BIRC6: variants seen among roughly 807,000 people sequenced by gnomAD.
The protein encoded by BIRC6 is baculoviral IAP repeat containing 6.
BIRC6 carries 98 observed loss-of-function variants against 503.3 expected under a neutral mutation model. The observed-to-expected ratio is 0.19, with a 90% CI of 0.17 to 0.23. The LOEUF (loss-of-function observed/expected upper bound fraction) is 0.23, where lower values mean the gene tolerates loss of function less well. Among genes scored for constraint, BIRC6 ranks in the 10% least tolerant of loss-of-function variants. The probability of loss-of-function intolerance (pLI) is 1.00; values close to 1 mark genes in which losing one functional copy is unlikely to be tolerated. For synonymous variants in BIRC6, 2,240 were observed against 2,078.7 expected (o/e 1.08, Z -2.11); for missense variants, 5,360 against 5,806.0 (o/e 0.92, Z 2.50).
In BIRC6 at chr2:32,468,551, G is replaced by A. The variant is rs774673603; in HGVS notation, c.5895G>A (p.Glu1965=). The change falls in exon 29 of 74, where the codon GAG becomes GAA. Residue 1965 remains glutamate, a synonymous_variant. Transcript: ENST00000421745. ...YFLRKPDKAV[E]EDSRVFSAYQ... ...TACGAAAACCAGATAAGGCAGTTGA[G>A]GAAGACAGTAGGGTTTTTTCTGCTT... 2.5e-6 allele frequency: 4 copies of A among 1,614,012 alleles called. No individual in the cohort carries two copies. The South Asian group carries it at 3.3e-5, about 13-fold the overall frequency.
intron 73 of BIRC6, among the ~76,000 whole-genome samples, chr2:32,613,532 C>T (rs1054496711): frequency 1.3e-5 from 2 of 152,050 alleles, no homozygotes; most frequent in Admixed American, 6.6e-5. Context: ...AGTCACCTGC[C>T]ATCATGCCCA....
At chr2:32,399,101 T>C (rs1052909518) in intron 6 of BIRC6, among the ~76,000 whole-genome samples, 2 of 152,160 alleles carry the variant, frequency 1.3e-5, no homozygotes, top group East Asian at 1.9e-4. Context: ...ATTTATTTTT[T>C]TGGAGACACA....
chr2:32,411,791 G>T (rs1000995227), intron 9 of BIRC6, among the ~76,000 whole-genome samples: 3 of 151,998 alleles, frequency 2.0e-5, no homozygotes, highest in Admixed American at 2.0e-4. Flanking sequence ...ACCTGTAGTG[G>T]TCTTTATGGT....
Position 32,476,257 on chromosome 2 carries a change from G to C in BIRC6, c.6765G>C (p.Gln2255His), listed in dbSNP as rs1443489060. The change falls in exon 34 of 74, where the codon CAG becomes CAC. Residue 2255 changes from glutamine to histidine, a missense_variant. Physicochemically the swap from Gln to His is conservative, Grantham distance 24. Around this residue, in one of 16 missense-constraint regions of BIRC6, gnomAD observed 2,299 missense variants for 2,267.2 expected, o/e 1.01. Transcript: ENST00000421745. Reference sequence around the variant, plus strand: ...CAAAGCAGAAGGCATTGGTAGAACAGATGGAAAAAGAAAAAATACAAAGTA... The same window carrying C: ...CAAAGCAGAAGGCATTGGTAGAACACATGGAAAAAGAAAAAATACAAAGTA... ...LKAKQKALVE[Q>H]MEKEKIQSNK... The C allele has an allele frequency of 6.4e-7, 1 of 1,553,692 alleles. No homozygotes were observed. The highest frequency in any genetic ancestry group is 8.7e-7 in the Non-Finnish European group (1 of 1,147,754).
intron 66 of BIRC6, among the ~76,000 whole-genome samples, chr2:32,593,325 A>G (rs548118409): frequency 3.3e-5 from 5 of 152,336 alleles, no homozygotes; most frequent in African/African-American, 1.2e-4. Flanking sequence ...TTGCTGTAAT[A>G]CATCCTATTG....
At chr2:32,521,787 T>C (rs904574313) in intron 57 of BIRC6, 1 of 152,106 alleles carries the variant, frequency 6.6e-6, no homozygotes, top group Non-Finnish European at 1.5e-5. Context: ...GCCGACAATA[T>C]TACTTTCAAA....
intron 32 of BIRC6, among the ~76,000 whole-genome samples, chr2:32,471,350 T>C (rs1371432664): frequency 6.6e-6 from 1 of 152,222 alleles, no homozygotes; most frequent in Non-Finnish European, 1.5e-5. Flanking sequence ...GACATGACTT[T>C]TAGTTTCTAA....
chr2:32,444,123 T>C (rs1558741211), intron 20 of BIRC6, among the ~76,000 whole-genome samples: 1 of 151,540 alleles, frequency 6.6e-6, no homozygotes, highest in Non-Finnish European at 1.5e-5. Context: ...GAATGATGGA[T>C]ACCAGAGTCT....
intron 46 of BIRC6, among the ~76,000 whole-genome samples, chr2:32,500,364 G>A (rs940853228): frequency 6.6e-5 from 10 of 150,408 alleles, no homozygotes; most frequent in African/African-American, 2.4e-4. Context: ...AGCAATTCTC[G>A]TGCCTCAGCC....
At chr2:32,506,278 C>T (rs188842444) in intron 50 of BIRC6, among the ~76,000 whole-genome samples, 2 of 152,210 alleles carry the variant, frequency 1.3e-5, no homozygotes, top group African/African-American at 2.4e-5. Context: ...TCAATAATTG[C>T]ATGAGGAGCT....
chr2:32,502,093 T>C (rs991688316), intron 47 of BIRC6, among the ~76,000 whole-genome samples: 1 of 152,188 alleles, frequency 6.6e-6, no homozygotes, highest in Non-Finnish European at 1.5e-5. Flanking sequence ...CACAGTGATA[T>C]AAGAGTAAAA....
At chr2:32,498,057 T>C (rs2052695030) in intron 45 of BIRC6, among the ~76,000 whole-genome samples, 1 of 152,204 alleles carries the variant, frequency 6.6e-6, no homozygotes, top group African/African-American at 2.4e-5. Flanking sequence ...TATTTATAAC[T>C]GAATTTCTTA....
At chr2:32,547,028 T>G (rs1234765855) in intron 63 of BIRC6, among the ~76,000 whole-genome samples, 6 of 152,330 alleles carry the variant, frequency 3.9e-5, no homozygotes, top group Middle Eastern at 6.8e-3. Context: ...GTGGGTTAGA[T>G]ATGATAGTGC....
Position 32,468,093 on chromosome 2 carries a change from A to G in BIRC6, c.5762A>G (p.Gln1921Arg), listed in dbSNP as rs756860270. 1.2e-5 allele frequency: 19 copies of G among 1,613,798 alleles called. No homozygotes were observed. The South Asian group carries it at 1.2e-4, about 10-fold the overall frequency. Residue 1921 changes from glutamine (Q) to arginine (R), a missense_variant, in exon 28 of 74, where the codon CAG becomes CGG. Gln to Arg is a conservative substitution (Grantham distance 43). Coordinates refer to ENST00000421745, the MANE Select transcript of BIRC6 (RefSeq NM_016252.4). Reference sequence around the variant, plus strand: ...CATTTAGCAATGATGGTTGCTTTGCAGGAGGATATACAGTGCAGGTTAGTA... The same window carrying G: ...CATTTAGCAATGATGGTTGCTTTGCGGGAGGATATACAGTGCAGGTTAGTA... ...DQHLAMMVALQEDIQCRYNLA... is the reference protein window; with the variant it reads ...DQHLAMMVALREDIQCRYNLA...
intron 15 of BIRC6, among the ~76,000 whole-genome samples, 199 bp from the exon 16 acceptor site, chr2:32,439,309 A>G (rs2045133984): frequency 6.6e-6 from 1 of 152,178 alleles, no homozygotes; most frequent in Non-Finnish European, 1.5e-5. Context: ...TGCTATTCAT[A>G]TCATTCCTTT....
Position 32,357,032 on chromosome 2 carries a change from T to G in BIRC6, c.-130T>G, listed in dbSNP as rs2149011157. On this transcript the variant is annotated 5_prime_UTR_variant, in exon 1 of 74. Transcript: ENST00000421745. The surrounding 1 kb of genome is among the most constrained non-coding windows in gnomAD (Gnocchi z 4.9). Reference sequence around the variant, plus strand: ...GCGCCCCGGGCCCCGCCTCCCTCCCTGCTTCTCCCCCTCTCCCGTCAGCCT... The same window carrying G: ...GCGCCCCGGGCCCCGCCTCCCTCCCGGCTTCTCCCCCTCTCCCGTCAGCCT... The G allele has an allele frequency of 2.4e-6, 2 of 828,594 alleles. No individual in the cohort carries two copies. The highest frequency in any genetic ancestry group is 3.5e-6 in the Non-Finnish European group (2 of 576,352). 51.3% of individuals were successfully genotyped at this position (828,594 alleles called of 1,614,324 possible).
At chr2:32,463,003 A>G (rs1191424434) in intron 23 of BIRC6, among the ~76,000 whole-genome samples, 191 bp from the exon 24 acceptor site, 1 of 151,634 alleles carries the variant, frequency 6.6e-6, no homozygotes, top group African/African-American at 2.4e-5. Context: ...ATCTTGAATG[A>G]TAGTATTATC....
At chr2:32,571,405 T>TTTTTTG (rs2059908059) in intron 65 of BIRC6, among the ~76,000 whole-genome samples, 3 of 136,760 alleles carry the variant, frequency 2.2e-5, no homozygotes, top group Non-Finnish European at 3.1e-5. Context: ...TTTTTTTTGT[T>TTTTTTG]GGGAGATGTT....
At chr2:32,519,159 G>A (rs2055374040) in intron 57 of BIRC6, 2 of 437,700 alleles carry the variant, frequency 4.6e-6, no homozygotes, top group Admixed American at 7.2e-5. Flanking sequence ...GGTTTATTGT[G>A]TCACAGTGAG....
Sources: gnomAD v4.1 joint callset for allele counts (sites outside exome capture counted in the v4.1 genomes callset) on GRCh38, gnomAD v4.1.1 for gene constraint, gnomAD v4.1.1 regional missense constraint, Gnocchi (gnomAD v3.1) non-coding constraint, MANE v1.5 for transcripts, NCBI Gene and HGNC (gene_info 2026-07-23, HGNC 2026-07-21) for gene names.